The following P4HA3 variants were observed in gnomAD, a reference collection of about 807,000 sequenced individuals.
P4HA3 encodes prolyl 4-hydroxylase subunit alpha-3.
A neutral mutation model predicts 66.7 loss-of-function variants in P4HA3; 60 were observed. That is an observed-to-expected ratio of 0.90 (90% CI 0.73 to 1.12). The LOEUF is 1.12. P4HA3 is among the 50% of genes most tolerant of loss of function. The pLI is 0.00. For missense variants in P4HA3, 683 were observed against 685.8 expected, an observed-to-expected ratio of 1.00 and a Z score of 0.05; for synonymous variants, 263 against 274.6, an observed-to-expected ratio of 0.96 and a Z score of 0.42.
downstream of P4HA3, among the ~76,000 whole-genome samples, chr11:74,262,190 T>G (rs1400290256): frequency 6.6e-6 from 1 of 152,180 alleles, no homozygotes; most frequent in East Asian, 1.9e-4. Context: ...CACGCAGGCA[T>G]CTAGTGCCTA....
At chr11:74,284,533 AT>A (rs1860717546) in intron 7 of P4HA3, among the ~76,000 whole-genome samples, 1 of 152,232 alleles carries the variant, frequency 6.6e-6, no homozygotes, top group African/African-American at 2.4e-5. Flanking sequence ...TTGTAATTTA[AT>A]TTAATCATGA....
downstream of P4HA3, among the ~76,000 whole-genome samples, chr11:74,262,371 G>A (rs533415877): frequency 9.9e-5 from 15 of 152,148 alleles, no homozygotes; most frequent in Non-Finnish European, 1.9e-4. Flanking sequence ...CCAATGAAGT[G>A]AATATAAAGA....
intron 4 of P4HA3, among the ~76,000 whole-genome samples, chr11:74,292,975 A>G (rs1484868474): frequency 1.3e-5 from 2 of 152,216 alleles, no homozygotes; most frequent in Non-Finnish European, 2.9e-5. Context: ...CTTGGTGCAC[A>G]GCTGAGTTCA....
intron 15 of P4HA3, among the ~76,000 whole-genome samples, chr11:74,258,216 T>A (rs1265463807): frequency 6.6e-6 from 1 of 152,024 alleles, no homozygotes; most frequent in East Asian, 1.9e-4. Context: ...GCTGGCTTCC[T>A]CTCCCAGCAG....
rs537950878 is a variant in P4HA3 at position 74,266,891 on chromosome 11, C to T, written c.*357G>A. ...GTGTCCTCATTGCCACTTCTTGGTC[C>T]CTGTGGTCAAGGTTCAAAGTGCCAA... is the stretch of plus-strand genomic sequence containing the variant. On this transcript the variant is annotated 3_prime_UTR_variant, in exon 13 of 13. Coordinates refer to ENST00000331597, the MANE Select transcript of P4HA3 (RefSeq NM_182904.5). 1 of 941,582 alleles carries T rather than the reference C, an allele frequency of 1.1e-6. No individual in the cohort carries two copies. Among genetic ancestry groups the T allele is most frequent in the Admixed American group, 2.9e-5 (1 of 34,120 alleles). The allele number at this position is 941,582 out of a possible 1,614,324, so 58.3% of individuals were successfully genotyped here.
In P4HA3 at chr11:74,272,219, T is replaced by TACACACAC. The variant is rs10534821; in HGVS notation, c.1398+1318_1398+1325dup. On this transcript the variant is annotated intron_variant, in intron 10 of 12. Transcript: ENST00000331597. ...GTGCATGAGAGTGCATGCACACACATACACACACACACACACACACACATG... is the reference window on the plus strand; with the variant it reads ...GTGCATGAGAGTGCATGCACACACATACACACACACACACACACACACACACACACATG... Among the ~76,000 whole-genome samples the TACACACAC allele has an allele frequency of 2.5e-3, 381 of 150,506 alleles. 1 individual carries two copies. Among genetic ancestry groups the TACACACAC allele is most frequent in the African/African-American group, 7.4e-3 (302 of 40,980 alleles).
At chr11:74,294,174 C>G (rs1861133277) in intron 4 of P4HA3, among the ~76,000 whole-genome samples, 1 of 152,094 alleles carries the variant, frequency 6.6e-6, no homozygotes, top group Admixed American at 6.6e-5. Context: ...CTAAACTTCT[C>G]TCCTCGCTTC....
chr11:74,310,764 G>A (rs1591145852), intron 1 of P4HA3, among the ~76,000 whole-genome samples: 1 of 152,204 alleles, frequency 6.6e-6, no homozygotes, highest in Non-Finnish European at 1.5e-5. Flanking sequence ...TGCAGAGTAT[G>A]ATATCCACAG....
chr11:74,264,611 ACT>A (rs1234105737), downstream of P4HA3, among the ~76,000 whole-genome samples: 1 of 152,162 alleles, frequency 6.6e-6, no homozygotes, highest in Non-Finnish European at 1.5e-5. Flanking sequence ...ACGGCCTGGC[ACT>A]GAGTATGCAC....
At chr11:74,269,154 A>C (rs746672201) in intron 11 of P4HA3, among the ~76,000 whole-genome samples, 2 of 151,586 alleles carry the variant, frequency 1.3e-5, no homozygotes, top group Non-Finnish European at 2.9e-5. Context: ...GGAAATACTC[A>C]TTCATGAAGC....
rs543351957 is a variant in P4HA3, at chr11:74,256,368, C to T, written c.*1318+3555G>A. Among the ~76,000 whole-genome samples the T allele has an allele frequency of 2.6e-5, 4 of 151,634 alleles. No homozygotes were observed. In the East Asian group the frequency reaches 7.7e-4, roughly 29 times the overall value. On this transcript the variant is annotated intron_variant and NMD_transcript_variant, in intron 15 of 15. Transcript: ENST00000524388. Reference sequence around the variant, plus strand: ...GTTGTGTTTTAGGCACTTTCATCTCCATTCATCCTTTGTATCCTTGTGAAG... The same window carrying T: ...GTTGTGTTTTAGGCACTTTCATCTCTATTCATCCTTTGTATCCTTGTGAAG...
At chr11:74,255,116 C>G (rs1859802027) in intron 15 of P4HA3, among the ~76,000 whole-genome samples, 1 of 152,216 alleles carries the variant, frequency 6.6e-6, no homozygotes, top group African/African-American at 2.4e-5. Flanking sequence ...TTGACTGTTT[C>G]TAAAGCTGAA....
intron 7 of P4HA3, chr11:74,285,420 G>C (rs1162918078): frequency 6.5e-6 from 1 of 154,968 alleles, no homozygotes; most frequent in Non-Finnish European, 1.4e-5. Flanking sequence ...TACATAGAAT[G>C]GTTGACACTT....
chr11:74,286,532 C>T (rs1860808367), intron 5 of P4HA3, 141 bp from the exon 6 acceptor site: 1 of 680,470 alleles, frequency 1.5e-6, no homozygotes, highest in Non-Finnish European at 2.2e-6. Context: ...TGTCAACACA[C>T]AGGAGGATGC....
intron 5 of P4HA3, chr11:74,287,220 C>T: frequency 7.8e-7 from 1 of 1,288,328 alleles, no homozygotes; most frequent in Non-Finnish European, 1.0e-6. Context: ...GAAGGAGATG[C>T]TGAATTGTTC....
At position 74,296,915 on chromosome 11, in the gene P4HA3, G is replaced by GTT. The variant is rs975093351; in HGVS notation, c.717+1295_717+1296dup. ...GAGAGTTAGGAAGAGCACATACACA[G>GTT]TTTTTTTTTTCTTTTTTTCTTTTTT... On this transcript the variant is annotated intron_variant, in intron 4 of 12. Coordinates refer to ENST00000331597, the MANE Select transcript of P4HA3 (RefSeq NM_182904.5). Among the ~76,000 whole-genome samples, 3 of 141,688 alleles carry GTT rather than the reference G, an allele frequency of 2.1e-5. No individual in the cohort carries two copies. In the Admixed American group the frequency reaches 2.1e-4, roughly 10 times the overall value. The allele number at this position is 141,688 out of a possible 152,430, so 93.0% of individuals were successfully genotyped here.
At chr11:74,253,624 T>G (rs1859761116) in intron 15 of P4HA3, 1 of 1,229,734 alleles carries the variant, frequency 8.1e-7, no homozygotes. Flanking sequence ...TGACACTGGC[T>G]CCCGGTAGAC....
At chr11:74,263,319 T>C (rs886614903), downstream of P4HA3, among the ~76,000 whole-genome samples, 3 of 152,178 alleles carry the variant, frequency 2.0e-5, no homozygotes, top group African/African-American at 7.2e-5. Flanking sequence ...CTGACAAGAG[T>C]TCTTAACCAT....
intron 1 of P4HA3, among the ~76,000 whole-genome samples, chr11:74,305,723 A>G (rs1231653602): frequency 6.6e-6 from 1 of 152,216 alleles, no homozygotes; most frequent in Non-Finnish European, 1.5e-5. Flanking sequence ...TCTAATACTC[A>G]AGGATTTCAT....
Sources: allele counts gnomAD v4.1 joint callset (sites outside exome capture counted in the v4.1 genomes callset), GRCh38; gene constraint gnomAD v4.1.1; transcripts MANE v1.5; gene names NCBI Gene and HGNC (gene_info 2026-07-23, HGNC 2026-07-21).